LAMB2: variants seen among roughly 807,000 people sequenced by gnomAD.
LAMB2 encodes laminin subunit beta-2.
Under a neutral mutation model 202.7 loss-of-function variants are expected in LAMB2, and 119 were observed. That is an observed-to-expected ratio of 0.59 (90% CI 0.51 to 0.68). The LOEUF (loss-of-function observed/expected upper bound fraction) is 0.68. Among genes scored for constraint, LAMB2 ranks in the 30% least tolerant of loss-of-function variants. The pLI, the probability that LAMB2 is intolerant of heterozygous loss-of-function variation, is 0.00. For missense variants in LAMB2, 2,124 were observed against 2,410.6 expected, an observed-to-expected ratio of 0.88 and a Z score of 2.49; for synonymous variants, 818 against 902.2, an observed-to-expected ratio of 0.91 and a Z score of 1.67.
Position 49,133,007 on chromosome 3 carries a change from G to T in LAMB2, c.-140C>A. 1 of 724,662 alleles carries T rather than the reference G, an allele frequency of 1.4e-6. No homozygotes were observed. Among genetic ancestry groups the T allele is most frequent in the Non-Finnish European group, 2.4e-6 (1 of 413,644 alleles). The allele number at this position is 724,662 out of a possible 1,614,324, so 44.9% of individuals were successfully genotyped here. ...AGGCCCTCTGTCAGTTCCCAGGTCT[G>T]TCCAGCGGTCCCTCCGACAGCTTAG... On this transcript the variant is annotated 5_prime_UTR_variant, in exon 1 of 32. Transcript: ENST00000305544.
In LAMB2 at chr3:49,132,732, G is replaced by T. The variant is rs2045496281; in HGVS notation, c.76+60C>A. ...TGGCTCCACCTCATGTGCCCCAAGG[G>T]CAACTACCAGGACCTACCATCACAT... On this transcript the variant is annotated intron_variant, in intron 1 of 31. Transcript: ENST00000305544. This position sits in a 1 kb window ranked among gnomAD's most constrained non-coding sequence, Gnocchi z 4.6. The T allele has an allele frequency of 1.2e-6, 2 of 1,613,360 alleles. No homozygotes were observed. The highest frequency in any genetic ancestry group is 1.7e-6 in the Non-Finnish European group (2 of 1,179,352).
rs1238176772 is a variant in LAMB2 at position 49,128,709 on chromosome 3, A to G, written c.1842T>C (p.Ser614=). The G allele has an allele frequency of 6.2e-7, 1 of 1,614,066 alleles. No homozygotes were observed. Among genetic ancestry groups the G allele is most frequent in the African/African-American group, 1.3e-5 (1 of 74,946 alleles). Residue 614 remains serine, a synonymous_variant, in exon 14 of 32, where the codon TCT becomes TCC. Coordinates refer to ENST00000305544, the MANE Select transcript of LAMB2 (RefSeq NM_002292.4). ...GGTCATAGTCCATAGCCTTCGGCACAGAGGCCACCAGGAACTCCAGGGTCT... is the reference window on the plus strand; with the variant it reads ...GGTCATAGTCCATAGCCTTCGGCACGGAGGCCACCAGGAACTCCAGGGTCT... The part of the protein sequence containing the change: ...EGQTLEFLVA[S]VPKAMDYDLL...
intron 15 of LAMB2, among the ~76,000 whole-genome samples, chr3:49,127,917 T>G (rs1372794939): frequency 1.4e-5 from 2 of 138,398 alleles, no homozygotes; most frequent in Non-Finnish European, 3.1e-5. Context: ...CTACTCGGGA[T>G]GCTGACACAT....
In LAMB2 at chr3:49,125,131, T is replaced by A; in HGVS notation, c.2759A>T (p.Tyr920Phe). ...AGFHGDPRLP[Y>F]GGQCRPCPCP... ...GGGACAGGGCCGGCACTGGCCCCCA[T>A]ATGGCAGCCGTGGGTCCCCGTGGAA... Residue 920 changes from tyrosine to phenylalanine, a missense_variant, in exon 20 of 32, where the codon TAT becomes TTT. This residue lies in a region of LAMB2 where 1,702 missense variants were observed against 1,896.3 expected (regional missense o/e 0.90). Transcript: ENST00000305544. 6.2e-7 allele frequency: 1 copy of A among 1,613,612 alleles called. No homozygotes were observed. The highest frequency in any genetic ancestry group is 1.1e-5 in the South Asian group (1 of 91,086).
Position 49,128,715 on chromosome 3 carries a change from C to T in LAMB2, c.1836G>A (p.Val612=), listed in dbSNP as rs1162422815. The stretch of plus-strand genomic sequence containing the variant: ...AGTCCATAGCCTTCGGCACAGAGGC[C>T]ACCAGGAACTCCAGGGTCTGACCTT... ...LQEGQTLEFL[V]ASVPKAMDYD... Residue 612 remains valine (V), a synonymous_variant, in exon 14 of 32, where the codon GTG becomes GTA. Coordinates refer to ENST00000305544, the MANE Select transcript of LAMB2 (RefSeq NM_002292.4). 1.2e-6 allele frequency: 2 copies of T among 1,614,150 alleles called. No homozygotes were observed. Among genetic ancestry groups the T allele is most frequent in the South Asian group, 2.2e-5 (2 of 91,090 alleles).
Position 49,128,838 on chromosome 3 carries a change from A to G in LAMB2, c.1732-19T>C. 6.2e-7 allele frequency: 1 copy of G among 1,610,008 alleles called. No individual in the cohort carries two copies. The highest frequency in any genetic ancestry group is 8.5e-7 in the Non-Finnish European group (1 of 1,177,356). On this transcript the variant is annotated intron_variant, in intron 13 of 31. Transcript: ENST00000305544. ...CGAGCACCTGGGAGATAATGCAGCC[A>G]GGGATGGAGGCTCAGGTGAGGCTTT...
Position 49,126,161 on chromosome 3 carries a change from T to G in LAMB2, c.2152-2A>C, listed in dbSNP as rs1340940087. On this transcript the variant is annotated splice_acceptor_variant, in intron 16 of 31. Transcript: ENST00000305544. LOFTEE classifies it high-confidence loss of function. ...CAGGACACGGGGCAGCAGCACCAGCTGAAGGAGTGAGCAAGGAAGATCGCA... is the reference window on the plus strand; with the variant it reads ...CAGGACACGGGGCAGCAGCACCAGCGGAAGGAGTGAGCAAGGAAGATCGCA... 6.2e-7 allele frequency: 1 copy of G among 1,611,824 alleles called. No individual in the cohort carries two copies.
chr3:49,130,121 T>C lies in LAMB2; in HGVS notation c.1226-103A>G. ...ATCCCACCCTGGATCCCTGGTCAAG[T>C]TCTATCCCAAGCCCCTAACCCCAAT... is the stretch of plus-strand genomic sequence containing the variant. On this transcript the variant is annotated intron_variant, in intron 9 of 31. Coordinates refer to ENST00000305544, the MANE Select transcript of LAMB2 (RefSeq NM_002292.4). The surrounding 1 kb of genome is among the most constrained non-coding windows in gnomAD (Gnocchi z 5.0). 6.3e-7 allele frequency: 1 copy of C among 1,582,700 alleles called. No individual in the cohort carries two copies. Among genetic ancestry groups the C allele is most frequent in the Non-Finnish European group, 8.7e-7 (1 of 1,152,940 alleles).
chr3:49,124,793 T>C lies in LAMB2; in HGVS notation c.3017A>G (p.Gln1006Arg), dbSNP rs769326632. 1 of 1,614,174 alleles carries C rather than the reference T, an allele frequency of 6.2e-7. No individual in the cohort carries two copies. Among genetic ancestry groups the C allele is most frequent in the Non-Finnish European group, 8.5e-7 (1 of 1,180,026 alleles). Residue 1006 changes from glutamine to arginine, a missense_variant, in exon 21 of 32, where the codon CAA becomes CGA. Around this residue, in one of 3 missense-constraint regions of LAMB2, gnomAD observed 1,702 missense variants for 1,896.3 expected, o/e 0.90. Transcript: ENST00000305544. The stretch of plus-strand genomic sequence containing the variant: ...TGTGTGGTGTAAACAGCGCAGGCAT[T>C]GCCCCGTGTGGGGGTCACAGGCATC... ...DPDACDPHTGQCLRCLHHTEG... is the reference protein window; with the variant it reads ...DPDACDPHTGRCLRCLHHTEG...
Position 49,122,362 on chromosome 3 carries a change from C to G in LAMB2, c.4582G>C (p.Ala1528Pro). The G allele has an allele frequency of 6.2e-7, 1 of 1,613,182 alleles. No homozygotes were observed. Among genetic ancestry groups the G allele is most frequent in the Non-Finnish European group, 8.5e-7 (1 of 1,179,954 alleles). The change falls in exon 28 of 32, where the codon GCT becomes CCT. Residue 1528 changes from alanine (A) to proline (P), a missense_variant. Physicochemically the swap from Ala to Pro is conservative, Grantham distance 27. Transcript: ENST00000305544. Reference protein sequence around the residue: ...SVKDFLNQEGADPDSIEMVAT... With the variant: ...SVKDFLNQEGPDPDSIEMVAT... The stretch of plus-strand genomic sequence containing the variant: ...ACCATTTCAATGCTATCAGGATCAG[C>G]CCCCTCCTCTATAGGGACACAGCAA...
rs369534021 is a variant in LAMB2 at position 49,132,214 on chromosome 3, G to T, written c.386-25C>A. On this transcript the variant is annotated intron_variant, in intron 3 of 31. Coordinates refer to ENST00000305544, the MANE Select transcript of LAMB2 (RefSeq NM_002292.4). The surrounding 1 kb of genome is among the most constrained non-coding windows in gnomAD (Gnocchi z 4.6). ...CCTGGGACAGGAATCGGAAGTCAAG[G>T]ACTCAAAGCTACTGGTGGGCAGCCC... The T allele has an allele frequency of 5.0e-6, 8 of 1,614,168 alleles. No individual in the cohort carries two copies. Among genetic ancestry groups the T allele is most frequent in the Non-Finnish European group, 5.9e-6 (7 of 1,180,012 alleles).
chr3:49,130,596 A>AG lies in LAMB2; in HGVS notation c.1036+143dup, dbSNP rs2045470029. On this transcript the variant is annotated intron_variant, in intron 8 of 31. Transcript: ENST00000305544. The surrounding 1 kb of genome is among the most constrained non-coding windows in gnomAD (Gnocchi z 5.0). The stretch of plus-strand genomic sequence containing the variant: ...CAGAGCAGACTGCAGAGGAGGATTG[A>AG]GGGGGTCCCAAGGGGCATCAAGGTC... 1.9e-5 allele frequency: 26 copies of AG among 1,394,706 alleles called. No homozygotes were observed. In the South Asian group the frequency reaches 2.7e-4, roughly 14 times the overall value. The allele number at this position is 1,394,706 out of a possible 1,614,324, so 86.4% of individuals were successfully genotyped here.
Position 49,125,241 on chromosome 3 carries a change from C to T in LAMB2, c.2720+12G>A. 1 of 1,613,804 alleles carries T rather than the reference C, an allele frequency of 6.2e-7. No individual in the cohort carries two copies. Among genetic ancestry groups the T allele is most frequent in the Non-Finnish European group, 8.5e-7 (1 of 1,180,006 alleles). ...CCACCAACCAACCCACTCATAGCTG[C>T]TCCAGTCTCACCTTTCACAGTGCTC... On this transcript the variant is annotated intron_variant, in intron 19 of 31. Coordinates refer to ENST00000305544, the MANE Select transcript of LAMB2 (RefSeq NM_002292.4).
In LAMB2 at chr3:49,129,403, G is replaced by T; in HGVS notation, c.1519-79C>A. 1 of 1,318,594 alleles carries T rather than the reference G, an allele frequency of 7.6e-7. No individual in the cohort carries two copies. The highest frequency in any genetic ancestry group is 1.1e-6 in the Non-Finnish European group (1 of 928,214). 81.7% of individuals were successfully genotyped at this position (1,318,594 alleles called of 1,614,324 possible). Reference sequence around the variant, plus strand: ...ACCCAGCAGGAAATCCCAACCACACGTCTTAGCCTCAATCACCCCTCAGTG... The same window carrying T: ...ACCCAGCAGGAAATCCCAACCACACTTCTTAGCCTCAATCACCCCTCAGTG... On this transcript the variant is annotated intron_variant, in intron 11 of 31. Transcript: ENST00000305544. The surrounding 1 kb of genome is among the most constrained non-coding windows in gnomAD (Gnocchi z 6.1).
At position 49,124,379 on chromosome 3, in the gene LAMB2, C is replaced by T; in HGVS notation, c.3327+16G>A. ...CTGGCCCCATCTAACCAGGGATCTG[C>T]AGGAGGGTCCCATACCTCGTTGCAG... On this transcript the variant is annotated intron_variant, in intron 22 of 31. Transcript: ENST00000305544. 1 of 1,613,246 alleles carries T rather than the reference C, an allele frequency of 6.2e-7. No homozygotes were observed. The highest frequency in any genetic ancestry group is 8.5e-7 in the Non-Finnish European group (1 of 1,179,546).
At chr3:49,124,316 C>T in intron 22 of LAMB2, 30 bp from the exon 23 acceptor site, 1 of 1,613,678 alleles carries the variant, frequency 6.2e-7, no homozygotes, top group Middle Eastern at 1.6e-4. Flanking sequence ...GGGTCAGAGC[C>T]TCTATAAGAG....
chr3:49,123,154 CT>C lies in LAMB2; in HGVS notation c.4201del (p.Ser1401AlafsTer2), dbSNP rs754137583. 3 of 1,613,288 alleles carry C rather than the reference CT, an allele frequency of 1.9e-6. No individual in the cohort carries two copies. In the Admixed American group the frequency reaches 5.0e-5, roughly 27 times the overall value. ...CACCAGCTCATTTATGTCTGTCAGG[CT>C]CAGGGTGTGGGTATGGGCAGAGAGC... ...GKLSAHTHTL[S>X]LTDINELVCG... On this transcript the variant is annotated frameshift_variant, in exon 26 of 32. Transcript: ENST00000305544. LOFTEE classifies it high-confidence loss of function.
In LAMB2 at chr3:49,130,189, C is replaced by A; in HGVS notation, c.1225+42G>T. The A allele has an allele frequency of 6.2e-7, 1 of 1,609,972 alleles. No individual in the cohort carries two copies. The highest frequency in any genetic ancestry group is 1.1e-5 in the South Asian group (1 of 90,640). On this transcript the variant is annotated intron_variant, in intron 9 of 31. Transcript: ENST00000305544. The surrounding 1 kb of genome is among the most constrained non-coding windows in gnomAD (Gnocchi z 5.0). Reference sequence around the variant, plus strand: ...GCAGTCCAGCTCTCTAGTTCCTGCCCCAGGCTCAGCTTTCTCTCCCCGTGC... The same window carrying A: ...GCAGTCCAGCTCTCTAGTTCCTGCCACAGGCTCAGCTTTCTCTCCCCGTGC...
chr3:49,127,790 G>A (rs1204440327), intron 15 of LAMB2, among the ~76,000 whole-genome samples: 3 of 149,550 alleles, frequency 2.0e-5, no homozygotes, highest in African/African-American at 4.9e-5. Context: ...GGAGGCCAAG[G>A]CGGGCAGATC....
Sources: allele counts gnomAD v4.1 joint callset (sites outside exome capture counted in the v4.1 genomes callset), GRCh38; gene constraint gnomAD v4.1.1; regional missense constraint gnomAD v4.1.1; non-coding constraint Gnocchi (gnomAD v3.1); transcripts MANE v1.5; gene names NCBI Gene and HGNC (gene_info 2026-07-23, HGNC 2026-07-21).